Variants in CTSB observed in about 807,000 individuals in gnomAD.
The protein encoded by CTSB is APP secretase.
In CTSB, 57 loss-of-function variants were observed where a neutral mutation model predicts 44.3. The ratio of observed to expected loss-of-function variants is 1.29; its 90% CI spans 1.04 to 1.60. CTSB has a LOEUF of 1.60. CTSB is among the 40% of genes most tolerant of loss of function. The probability of loss-of-function intolerance (pLI) is 0.00; values close to 1 mark genes in which losing one functional copy is unlikely to be tolerated. For missense variants in CTSB, 768 were observed against 443.0 expected (o/e 1.73, Z -6.59); for synonymous variants, 320 against 168.0 (o/e 1.91, Z -7.00).
chr8:11,856,349 T>TGGTGGGGCAC (rs1815506534), intron 1 of CTSB, among the ~76,000 whole-genome samples: 2 of 152,134 alleles, frequency 1.3e-5, no homozygotes, highest in Admixed American at 1.3e-4. Context: ...AGCAATTAGT[T>TGGTGGGGCAC]GGTGGGGCAC....
rs747446660 is a variant in CTSB at position 11,850,862 on chromosome 8, T to A, written c.327+4A>T. 1.2e-5 allele frequency: 20 copies of A among 1,605,020 alleles called. No individual in the cohort carries two copies. The South Asian group carries it at 2.1e-4, about 17-fold the overall frequency. On this transcript the variant is annotated splice_donor_region_variant and intron_variant, in intron 4 of 9. Transcript: ENST00000353047. ...CGCTTCCCCGCCAGCCAGCAGGGCC[T>A]TACCCAGCAGGAGCCACAGGAGCCC... is the stretch of plus-strand genomic sequence containing the variant.
intron 1 of CTSB, among the ~76,000 whole-genome samples, chr8:11,866,318 T>C (rs987432444): frequency 7.9e-5 from 12 of 152,200 alleles, no homozygotes; most frequent in African/African-American, 2.9e-4. Context: ...GCCTAACCAG[T>C]TGGAAACAGG....
In CTSB at chr8:11,842,551, G is replaced by A. The variant is rs931452980; in HGVS notation, c.*2574C>T. ...TGGGAGCAGGGAGAACTTTATTGAGGTTATGAATATATTCTACTTGAAACT... is the reference window on the plus strand; with the variant it reads ...TGGGAGCAGGGAGAACTTTATTGAGATTATGAATATATTCTACTTGAAACT... On this transcript the variant is annotated 3_prime_UTR_variant, in exon 10 of 10. Transcript: ENST00000353047. 3.3e-5 allele frequency: 5 copies of A among 152,134 alleles called. No individual in the cohort carries two copies. Among genetic ancestry groups the A allele is most frequent in the African/African-American group, 1.2e-4 (5 of 41,410 alleles). 9.4% of individuals were successfully genotyped at this position (152,134 alleles called of 1,614,324 possible). A position where few individuals can be genotyped will look rare whatever the true frequency, so the allele number is the denominator to read the frequency against.
At chr8:11,850,299 G>T (rs939043356) in intron 4 of CTSB, among the ~76,000 whole-genome samples, 3 of 151,336 alleles carry the variant, frequency 2.0e-5, no homozygotes, top group African/African-American at 7.3e-5. Context: ...CATGCCTGTA[G>T]TCTTAGCTAC....
intron 1 of CTSB, among the ~76,000 whole-genome samples, chr8:11,857,572 C>T (rs1180299602): frequency 6.6e-6 from 1 of 152,198 alleles, no homozygotes; most frequent in Non-Finnish European, 1.5e-5. Context: ...TCTTTGGTTA[C>T]TGTGGTGGCT....
Position 11,844,391 on chromosome 8 carries a change from A to AAAAC in CTSB, c.*730_*733dup, listed in dbSNP as rs943655706. 1 of 152,182 alleles carries AAAAC rather than the reference A, an allele frequency of 6.6e-6. No homozygotes were observed. Among genetic ancestry groups the AAAAC allele is most frequent in the African/African-American group, 2.4e-5 (1 of 41,432 alleles). 9.4% of individuals were successfully genotyped at this position (152,182 alleles called of 1,614,324 possible). A position where few individuals can be genotyped will look rare whatever the true frequency, so the allele number is the denominator to read the frequency against. On this transcript the variant is annotated 3_prime_UTR_variant, in exon 10 of 10. Transcript: ENST00000353047. ...GACAGGGTGAAGCTGTAATTTTTCA[A>AAAAC]AAACAGTAAAAGCTGGTTTCTCCTA...
At position 11,843,541 on chromosome 8, in the gene CTSB, T is replaced by C. The variant is rs555857997; in HGVS notation, c.*1584A>G. 7.2e-5 allele frequency: 11 copies of C among 152,376 alleles called. No individual in the cohort carries two copies. The South Asian group carries it at 2.3e-3, about 32-fold the overall frequency. The allele number at this position is 152,376 out of a possible 1,614,324, so 9.4% of individuals were successfully genotyped here. ...GGGCTATGCAAAGCACTAGAGTTCC[T>C]GACCAGCAATGCAAACCAGTGGCAT... On this transcript the variant is annotated 3_prime_UTR_variant, in exon 10 of 10. Coordinates refer to ENST00000353047, the MANE Select transcript of CTSB (RefSeq NM_001908.5).
intron 1 of CTSB, among the ~76,000 whole-genome samples, chr8:11,858,186 C>G (rs893365437): frequency 6.6e-6 from 1 of 152,366 alleles, no homozygotes; most frequent in South Asian, 2.1e-4. Flanking sequence ...CTCGCTCCAG[C>G]GGGCTCTGTT....
At chr8:11,847,383 C>A (rs1027034787) in intron 7 of CTSB, among the ~76,000 whole-genome samples, 2 of 152,094 alleles carry the variant, frequency 1.3e-5, no homozygotes, top group East Asian at 3.9e-4. Flanking sequence ...GCAATGAGCA[C>A]GAGGCCCCGG....
At chr8:11,849,021 G>T in intron 5 of CTSB, 25 bp downstream of exon 5, 3 of 1,572,840 alleles carry the variant, frequency 1.9e-6, no homozygotes, top group Non-Finnish European at 2.6e-6. Flanking sequence ...CACTAAACCC[G>T]CTGTGGAAGC....
chr8:11,863,478 C>T (rs776535030), intron 1 of CTSB, among the ~76,000 whole-genome samples: 1 of 151,904 alleles, frequency 6.6e-6, no homozygotes, highest in African/African-American at 2.4e-5. Context: ...CAAAAAAACC[C>T]AGCAAATATG....
At chr8:11,865,671 G>C (rs1177039229) in intron 1 of CTSB, 3 of 151,566 alleles carry the variant, frequency 2.0e-5, no homozygotes. Flanking sequence ...ATCTCGAAAG[G>C]ACGGTATGTT....
chr8:11,843,128 T>TACAAAATACAA lies in CTSB; in HGVS notation c.*1996_*1997insTTGTATTTTGT, dbSNP rs1170180458. 6.6e-6 allele frequency: 1 copy of TACAAAATACAA among 152,036 alleles called. No homozygotes were observed. The highest frequency in any genetic ancestry group is 1.5e-5 in the Non-Finnish European group (1 of 68,068). The allele number at this position is 152,036 out of a possible 1,614,324, so 9.4% of individuals were successfully genotyped here. A position where few individuals can be genotyped will look rare whatever the true frequency, so the allele number is the denominator to read the frequency against. ...CATGCCCAGCTAATTTTTGTATTTTTAGTAGAGGTGAGGTTTCAGCATGTT... is the reference window on the plus strand; with the variant it reads ...CATGCCCAGCTAATTTTTGTATTTTTACAAAATACAAAGTAGAGGTGAGGTTTCAGCATGTT... On this transcript the variant is annotated 3_prime_UTR_variant, in exon 10 of 10. Coordinates refer to ENST00000353047, the MANE Select transcript of CTSB (RefSeq NM_001908.5).
Position 11,861,960 on chromosome 8 carries a change from T to C in CTSB, c.-26+6041A>G, listed in dbSNP as rs545148401. On this transcript the variant is annotated intron_variant, in intron 1 of 9. Transcript: ENST00000353047. ...TGCTGGCTCACGCCTGTAATCCCAG[T>C]ACTTTGGGAGGCTGAGGTGGGCGAA... is the stretch of plus-strand genomic sequence containing the variant. Among the ~76,000 whole-genome samples, 127 of 152,012 alleles carry C rather than the reference T, an allele frequency of 8.4e-4. 3 individuals carry two copies. In the South Asian group the frequency reaches 0.024, roughly 29 times the overall value.
chr8:11,848,989 G>C (rs1324852731), intron 5 of CTSB, 57 bp downstream of exon 5: 24 of 1,328,092 alleles, frequency 1.8e-5, no homozygotes, highest in Non-Finnish European at 2.3e-5. Context: ...CCACTGAGAA[G>C]CTGGGGCCCA....
At chr8:11,856,234 A>G (rs1428436283) in intron 1 of CTSB, among the ~76,000 whole-genome samples, 3 of 152,172 alleles carry the variant, frequency 2.0e-5, no homozygotes, top group African/African-American at 7.2e-5. Flanking sequence ...AACGCCCACC[A>G]GTTTCTAAAT....
chr8:11,851,760 G>A (rs767251364), intron 3 of CTSB, among the ~76,000 whole-genome samples: 3 of 152,032 alleles, frequency 2.0e-5, no homozygotes, highest in South Asian at 2.1e-4. Context: ...TCTGCCTCCC[G>A]GGTTCATGCG....
intron 4 of CTSB, among the ~76,000 whole-genome samples, chr8:11,849,836 C>T (rs973355755): frequency 1.3e-5 from 2 of 152,184 alleles, no homozygotes; most frequent in African/African-American, 2.4e-5. Flanking sequence ...CTGCCTCAGC[C>T]TCCCAAAGTG....
chr8:11,852,854 C>T (rs958375243), intron 2 of CTSB, among the ~76,000 whole-genome samples, 159 bp from the exon 3 acceptor site: 4 of 152,188 alleles, frequency 2.6e-5, no homozygotes, highest in African/African-American at 7.2e-5. Flanking sequence ...GAGTGACACA[C>T]GGGCAGAGTG....
Sources: allele counts gnomAD v4.1 joint callset (sites outside exome capture counted in the v4.1 genomes callset), GRCh38; gene constraint gnomAD v4.1.1; transcripts MANE v1.5; gene names NCBI Gene and HGNC (gene_info 2026-07-23, HGNC 2026-07-21).